The following OGG1 variants were observed in gnomAD, a reference collection of about 807,000 sequenced individuals.
OGG1 encodes 8-oxoguanine DNA glycosylase, also known as N-glycosylase/DNA lyase.
Under a neutral mutation model 42.3 loss-of-function variants are expected in OGG1, and 35 were observed. The ratio of observed to expected loss-of-function variants is 0.83; its 90% confidence interval spans 0.63 to 1.10. The LOEUF (loss-of-function observed/expected upper bound fraction) is 1.10, where lower values mean the gene tolerates loss of function less well. Ranked by LOEUF, OGG1 falls within the 50% of genes least tolerant of loss-of-function variation. The pLI is 0.00. For missense variants in OGG1, 484 were observed against 446.7 expected (o/e 1.08, Z -0.75); for synonymous variants, 189 against 179.0 (o/e 1.06, Z -0.44).
In OGG1 at chr3:9,754,701, C is replaced by T. The variant is rs376511438; in HGVS notation, c.566-3C>T. ...TGCTTGCCCTCCTCCTCACTCCCCGCAGGGCCAGAGGTGGAGGCTCATCTC... is the reference window on the plus strand; with the variant it reads ...TGCTTGCCCTCCTCCTCACTCCCCGTAGGGCCAGAGGTGGAGGCTCATCTC... On this transcript the variant is annotated splice_region_variant and splice_polypyrimidine_tract_variant and intron_variant, in intron 3 of 6. Coordinates refer to ENST00000344629, the MANE Select transcript of OGG1 (RefSeq NM_002542.6). 9.3e-6 allele frequency: 15 copies of T among 1,614,024 alleles called. No individual in the cohort carries two copies. The African/African-American group carries it at 1.9e-4, about 20-fold the overall frequency.
chr3:9,759,571 C>T (rs372987286), downstream of OGG1: 32 of 1,614,042 alleles, frequency 2.0e-5, no homozygotes, highest in Non-Finnish European at 2.6e-5. Context: ...GTATCTCCTG[C>T]AATCCTAGGA....
chr3:9,754,581 G>T (rs1025697394), intron 3 of OGG1, 123 bp from the exon 4 acceptor site: 2 of 993,502 alleles, frequency 2.0e-6, no homozygotes, highest in Admixed American at 2.0e-5. Flanking sequence ...CCCATAGAGG[G>T]TGGGGAGGTA....
intron 2 of OGG1, among the ~76,000 whole-genome samples, chr3:9,776,682 C>T (rs933151177): frequency 6.6e-6 from 1 of 152,206 alleles, no homozygotes. Flanking sequence ...AGCCACCGTG[C>T]CCGGCCTGCA....
Position 9,764,634 on chromosome 3 carries a change from T to G in OGG1, c.1049-1175T>G, listed in dbSNP as rs550743636. On this transcript the variant is annotated intron_variant, in intron 7 of 7. Coordinates refer to the OGG1 transcript ENST00000302008. The stretch of plus-strand genomic sequence containing the variant: ...GCGTTTTTGTTTTTTTTTTGTTTTT[T>G]TTTTTTTTTTTGAGATGGAGTTTTG... Among the ~76,000 whole-genome samples, 362 of 147,704 alleles carry G rather than the reference T, an allele frequency of 2.5e-3. 4 individuals carry two copies. Among genetic ancestry groups the G allele is most frequent in the Non-Finnish European group, 4.3e-3 (287 of 66,780 alleles).
downstream of OGG1, among the ~76,000 whole-genome samples, chr3:9,770,458 G>A (rs981930023): frequency 5.9e-5 from 9 of 152,130 alleles, no homozygotes; most frequent in African/African-American, 1.9e-4. Context: ...TGGTCGCAGG[G>A]TGTGGGCCCC....
intron 2 of OGG1, chr3:9,780,509 G>A (rs1460467112): frequency 4.4e-6 from 7 of 1,607,108 alleles, no homozygotes; most frequent in South Asian, 1.1e-5. Context: ...ATGCGCACCC[G>A]CTGCCTCAGC....
intron 3 of OGG1, chr3:9,787,354 G>A (rs1430089704): frequency 6.2e-7 from 1 of 1,601,044 alleles, no homozygotes; most frequent in East Asian, 2.2e-5. Context: ...TGGAAAAGAT[G>A]GCACCCAACC....
chr3:9,756,955 C>T (rs1360063893), intron 6 of OGG1, 106 bp from the exon 7 acceptor site: 7 of 1,611,858 alleles, frequency 4.3e-6, no homozygotes, highest in Non-Finnish European at 5.9e-6. Context: ...TCATTGCCTT[C>T]GGCCCTGTTC....
chr3:9,767,751 G>A (rs1291020328), downstream of OGG1: 4 of 1,613,720 alleles, frequency 2.5e-6, no homozygotes, highest in Non-Finnish European at 3.4e-6. Flanking sequence ...CCCCAGCATG[G>A]CCCACTGCCC....
At chr3:9,761,506 C>T, downstream of OGG1, 2 of 1,613,606 alleles carry the variant, frequency 1.2e-6, no homozygotes, top group Non-Finnish European at 1.7e-6. Flanking sequence ...CACAGCCTTG[C>T]TGTAGGGCTT....
chr3:9,767,395 C>T (rs2078183622), downstream of OGG1, among the ~76,000 whole-genome samples: 1 of 152,236 alleles, frequency 6.6e-6, no homozygotes, highest in African/African-American at 2.4e-5. Context: ...TAGGCTAGAA[C>T]ACTTAGCTCT....
downstream of OGG1, chr3:9,761,699 A>G (rs1330688535): frequency 1.2e-6 from 2 of 1,614,170 alleles, no homozygotes; most frequent in Non-Finnish European, 1.7e-6. Context: ...GGAGAGGCCA[A>G]AGTCGGAGAT....
At chr3:9,784,757 TG>T (rs2078565490) in intron 3 of OGG1, among the ~76,000 whole-genome samples, 1 of 151,196 alleles carries the variant, frequency 6.6e-6, no homozygotes, top group Non-Finnish European at 1.5e-5. Flanking sequence ...CACAGCTACT[TG>T]GTGGCTGAGG....
At chr3:9,772,700 G>T (rs1011979151) in intron 2 of OGG1, among the ~76,000 whole-genome samples, 2 of 152,148 alleles carry the variant, frequency 1.3e-5, no homozygotes, top group Non-Finnish European at 2.9e-5. Context: ...CTCCAAAACT[G>T]TTGCCAGGAG....
intron 2 of OGG1, among the ~76,000 whole-genome samples, chr3:9,773,228 CAAAAAAA>C (rs76519627): frequency 1.1e-5 from 1 of 94,776 alleles, no homozygotes. Flanking sequence ...GACTACATCT[CAAAAAAA>C]AAAAAAAAAA....
Position 9,780,483 on chromosome 3 carries a change from G to T in OGG1, c.295-1030G>T. On this transcript the variant is annotated intron_variant, in intron 2 of 3. Transcript: ENST00000426518. ...CCATGATCTTGCGAAAGGCGTCCAT[G>T]ACCTCGTTGTCAGCCATGCGCACCC... 2 of 1,610,760 alleles carry T rather than the reference G, an allele frequency of 1.2e-6. 1 individual carries two copies. The highest frequency in any genetic ancestry group is 2.2e-5 in the South Asian group (2 of 91,074).
At chr3:9,779,034 T>A (rs1163345492) in intron 2 of OGG1, among the ~76,000 whole-genome samples, 1 of 152,106 alleles carries the variant, frequency 6.6e-6, no homozygotes, top group African/African-American at 2.4e-5. Flanking sequence ...CAGACCAGTC[T>A]GGGAACAACT....
exon 8 of OGG1, chr3:9,766,291 G>A: frequency 1.4e-6 from 1 of 700,818 alleles, no homozygotes; most frequent in Non-Finnish European, 2.6e-6. Context: ...ACATTATGTG[G>A]CCCTCTGGAT....
At chr3:9,761,461 A>C, downstream of OGG1, 2 of 1,609,648 alleles carry the variant, frequency 1.2e-6, no homozygotes, top group Non-Finnish European at 1.7e-6. Flanking sequence ...CCCCACTTAC[A>C]AGATGTAGGC....
Sources: gnomAD v4.1 joint callset for allele counts (sites outside exome capture counted in the v4.1 genomes callset) on GRCh38, gnomAD v4.1.1 for gene constraint, MANE v1.5 for transcripts, NCBI Gene and HGNC (gene_info 2026-07-23, HGNC 2026-07-21) for gene names.